FAR2: variants seen among roughly 807,000 people sequenced by gnomAD.
FAR2 encodes epididymis secretory protein Li 81.
In FAR2, 19 loss-of-function variants were observed where a neutral mutation model predicts 56.0. The ratio of observed to expected loss-of-function variants is 0.34; its 90% CI spans 0.24 to 0.50. FAR2 has a LOEUF of 0.50. FAR2 is among the 20% of genes least tolerant of loss of function. FAR2 has a pLI of 0.98. For missense variants in FAR2, 508 were observed against 642.2 expected (o/e 0.79, Z 2.26); for synonymous variants, 219 against 218.8 (o/e 1.00, Z -0.01).
At chr12:29,262,484 G>C (rs1948436830) in intron 1 of FAR2, among the ~76,000 whole-genome samples, 1 of 152,068 alleles carries the variant, frequency 6.6e-6, no homozygotes, top group Admixed American at 6.6e-5. Flanking sequence ...TACAAAATTA[G>C]TCAGGCATGG....
chr12:29,225,923 T>A (rs1947762143), intron 1 of FAR2, among the ~76,000 whole-genome samples: 1 of 152,160 alleles, frequency 6.6e-6, no homozygotes, highest in Non-Finnish European at 1.5e-5. Context: ...TAGCCAGAAA[T>A]ATCTTACTAG....
chr12:29,230,439 C>T (rs113247346), intron 1 of FAR2, among the ~76,000 whole-genome samples: 7,656 of 151,760 alleles, frequency 0.05, 474 homozygotes, highest in African/African-American at 0.15. Context: ...GGAAAAGGAG[C>T]AGTGATAGGA....
At chr12:29,257,320 T>A (rs1948336624) in intron 1 of FAR2, among the ~76,000 whole-genome samples, 1 of 152,128 alleles carries the variant, frequency 6.6e-6, no homozygotes, top group African/African-American at 2.4e-5. Context: ...ATCTAGCTAA[T>A]CTGGTGGGGA....
At chr12:29,215,738 GAC>G (rs1326282605) in intron 1 of FAR2, among the ~76,000 whole-genome samples, 1 of 152,068 alleles carries the variant, frequency 6.6e-6, no homozygotes, top group Non-Finnish European at 1.5e-5. Flanking sequence ...GCCTATCTTA[GAC>G]ACACTGTGGT....
chr12:29,264,054 ACT>A (rs1409713602), intron 1 of FAR2, among the ~76,000 whole-genome samples: 5 of 152,184 alleles, frequency 3.3e-5, no homozygotes, highest in African/African-American at 1.2e-4. Context: ...CCTGATGAAC[ACT>A]GAGGCAAAAA....
chr12:29,321,694 G>A lies in FAR2; in HGVS notation c.1128-101G>A, dbSNP rs1006826566. ...ATTTTAATGAGGAGTGGTAGACAGGGATAATTTTTGTATTTTCTTAAAAAT... is the reference window on the plus strand; with the variant it reads ...ATTTTAATGAGGAGTGGTAGACAGGAATAATTTTTGTATTTTCTTAAAAAT... On this transcript the variant is annotated intron_variant, in intron 9 of 11. Transcript: ENST00000536681. 9 of 1,357,988 alleles carry A rather than the reference G, an allele frequency of 6.6e-6. No individual in the cohort carries two copies. The Admixed American group carries it at 1.8e-4, about 27-fold the overall frequency. The allele number at this position is 1,357,988 out of a possible 1,614,324, so 84.1% of individuals were successfully genotyped here.
chr12:29,264,859 C>T (rs972195822), intron 1 of FAR2, among the ~76,000 whole-genome samples: 5 of 150,664 alleles, frequency 3.3e-5, no homozygotes, highest in African/African-American at 9.7e-5. Flanking sequence ...ATATAAAAAT[C>T]AGTAGTATTT....
intron 1 of FAR2, among the ~76,000 whole-genome samples, chr12:29,251,785 G>T (rs1312452578): frequency 1.3e-5 from 2 of 152,136 alleles, no homozygotes; most frequent in Non-Finnish European, 2.9e-5. Context: ...CACGGATTGT[G>T]CAAGGCTCTC....
At chr12:29,216,178 T>A (rs944945736) in intron 1 of FAR2, among the ~76,000 whole-genome samples, 1 of 152,180 alleles carries the variant, frequency 6.6e-6, no homozygotes, top group Admixed American at 6.5e-5. Flanking sequence ...TAGAAACAGT[T>A]CTCATCTGAC....
intron 10 of FAR2, chr12:29,332,016 C>T (rs1949738455): frequency 6.5e-6 from 1 of 153,290 alleles, no homozygotes; most frequent in African/African-American, 2.4e-5. Flanking sequence ...TCAATCTCTT[C>T]CTTCTCCTTC....
chr12:29,168,131 G>C (rs946698202), intron 1 of FAR2, among the ~76,000 whole-genome samples: 1 of 152,268 alleles, frequency 6.6e-6, no homozygotes, highest in East Asian at 1.9e-4. Flanking sequence ...CAGATGCCAG[G>C]GAAGTCTTTC....
intron 1 of FAR2, among the ~76,000 whole-genome samples, chr12:29,246,942 T>G (rs1469232070): frequency 6.6e-6 from 1 of 152,162 alleles, no homozygotes; most frequent in Non-Finnish European, 1.5e-5. Flanking sequence ...TCATTTGTTC[T>G]TCATAAAGAA....
At chr12:29,204,974 A>G (rs1316180007) in intron 1 of FAR2, among the ~76,000 whole-genome samples, 1 of 152,194 alleles carries the variant, frequency 6.6e-6, no homozygotes, top group Non-Finnish European at 1.5e-5. Flanking sequence ...TGGTGGAGAC[A>G]CAGATCCAAA....
intron 1 of FAR2, among the ~76,000 whole-genome samples, chr12:29,219,549 T>C (rs1947660935): frequency 6.6e-6 from 1 of 152,150 alleles, no homozygotes; most frequent in African/African-American, 2.4e-5. Context: ...GATGAGTACC[T>C]AGGGAATCTG....
At chr12:29,236,332 AC>A (rs1398330474) in intron 1 of FAR2, among the ~76,000 whole-genome samples, 14 of 152,304 alleles carry the variant, frequency 9.2e-5, no homozygotes, top group Non-Finnish European at 1.5e-4. Flanking sequence ...AGCAAATTAC[AC>A]CCTAAGCCAA....
chr12:29,218,973 C>T (rs1280286194), intron 1 of FAR2, among the ~76,000 whole-genome samples: 1 of 152,220 alleles, frequency 6.6e-6, no homozygotes, highest in African/African-American at 2.4e-5. Flanking sequence ...CTCACTGCAA[C>T]CTCTGCCTGG....
At chr12:29,312,434 G>A (rs912520974) in intron 8 of FAR2, among the ~76,000 whole-genome samples, 5 of 152,100 alleles carry the variant, frequency 3.3e-5, no homozygotes, top group Admixed American at 6.6e-5. Context: ...CCTCTCAGGT[G>A]TGCAATAACC....
At chr12:29,229,039 C>G (rs10771502) in intron 1 of FAR2, among the ~76,000 whole-genome samples, 94,422 of 152,016 alleles carry the variant, frequency 0.62, 29,436 homozygotes, top group East Asian at 0.69. Context: ...GTCAACAATG[C>G]TTGTTTTTAA....
chr12:29,284,027 C>A (rs1948829537), intron 2 of FAR2, among the ~76,000 whole-genome samples: 1 of 152,142 alleles, frequency 6.6e-6, no homozygotes, highest in Non-Finnish European at 1.5e-5. Context: ...CGATATGTTT[C>A]TTTTTACAAC....
Sources: gnomAD v4.1 joint callset for allele counts (sites outside exome capture counted in the v4.1 genomes callset) on GRCh38, gnomAD v4.1.1 for gene constraint, MANE v1.5 for transcripts, NCBI Gene and HGNC (gene_info 2026-07-23, HGNC 2026-07-21) for gene names.